Variants in CANX observed in about 807,000 individuals in gnomAD.
CANX encodes the protein epididymis secretory sperm binding protein.
In CANX, 14 loss-of-function variants were observed where a neutral mutation model predicts 75.7. The observed-to-expected ratio is 0.19, with a 90% confidence interval of 0.12 to 0.29. The LOEUF is 0.29. Among genes scored for constraint, CANX ranks in the 10% least tolerant of loss-of-function variants. CANX has a pLI of 1.00. For synonymous variants in CANX, 227 were observed against 236.9 expected (o/e 0.96, Z 0.38); for missense variants, 567 against 713.2 (o/e 0.79, Z 2.34).
rs898647352 is a variant in CANX at position 179,727,701 on chromosome 5, G to A, written c.1726-890G>A. Among the ~76,000 whole-genome samples the A allele has an allele frequency of 2.6e-5, 4 of 152,202 alleles. No homozygotes were observed. The East Asian group carries it at 7.7e-4, about 29-fold the overall frequency. On this transcript the variant is annotated intron_variant, in intron 14 of 14. Transcript: ENST00000247461. ...TCTGCTGTGTTTCCTATATACCAGG[G>A]AGAATCAGGGCGACCAGTTAGGAGG... is the stretch of plus-strand genomic sequence containing the variant.
intron 9 of CANX, among the ~76,000 whole-genome samples, chr5:179,720,106 C>G (rs890115265): frequency 1.3e-5 from 2 of 152,196 alleles, no homozygotes; most frequent in African/African-American, 4.8e-5. Context: ...GCTGGGATTA[C>G]AGGCGTGAGC....
At chr5:179,694,553 A>C (rs993465052), upstream of CANX, 4 of 835,210 alleles carry the variant, frequency 4.8e-6, no homozygotes, top group African/African-American at 6.6e-5. Flanking sequence ...GAGATGTGGC[A>C]AAAAAGCTGG....
rs1414302283 is a variant in CANX, at chr5:179,730,568, T to C, written c.*1924T>C. On this transcript the variant is annotated 3_prime_UTR_variant, in exon 15 of 15. Coordinates refer to ENST00000247461, the MANE Select transcript of CANX (RefSeq NM_001746.4). ...GTATATGTCATGCCTCACTTTCTTC[T>C]AGCTGAGCTTTAAATCATTAGAGCT... 4 of 152,256 alleles carry C rather than the reference T, an allele frequency of 2.6e-5. No homozygotes were observed. The highest frequency in any genetic ancestry group is 9.6e-5 in the African/African-American group (4 of 41,464). The allele number at this position is 152,256 out of a possible 1,614,324, so 9.4% of individuals were successfully genotyped here.
rs1562534286 is a variant in CANX at position 179,731,365 on chromosome 5, ATT to A, written c.*2725_*2726del. On this transcript the variant is annotated 3_prime_UTR_variant, in exon 15 of 15. Coordinates refer to ENST00000247461, the MANE Select transcript of CANX (RefSeq NM_001746.4). The stretch of plus-strand genomic sequence containing the variant: ...AGCCCAGTTTTTTATGTGCTATTAA[ATT>A]TTTAGATTACATACTAAAGAAAAGT... Among the ~76,000 whole-genome samples the A allele has an allele frequency of 6.6e-6, 1 of 152,082 alleles. No individual in the cohort carries two copies. Among genetic ancestry groups the A allele is most frequent in the Non-Finnish European group, 1.5e-5 (1 of 68,002 alleles).
chr5:179,683,506 G>A (rs1776124172), intron 1 of CANX, among the ~76,000 whole-genome samples: 1 of 151,760 alleles, frequency 6.6e-6, no homozygotes, highest in Admixed American at 6.6e-5. Flanking sequence ...CCAAAATCAA[G>A]ATAATGTATC....
In CANX at chr5:179,701,993, G is replaced by A. The variant is rs1054679502; in HGVS notation, c.-4+2891G>A. ...TGAGCTCAGGCAGTCCGCCCACCTC[G>A]GCCTCCCAAAGTGCTGGGATTACAG... On this transcript the variant is annotated intron_variant, in intron 1 of 14. Transcript: ENST00000247461. 5.3e-5 allele frequency among the ~76,000 whole-genome samples: 8 copies of A among 151,322 alleles called. No homozygotes were observed. The East Asian group carries it at 7.8e-4, about 15-fold the overall frequency.
chr5:179,680,198 C>T (rs1776026026), intron 1 of CANX, among the ~76,000 whole-genome samples: 1 of 152,030 alleles, frequency 6.6e-6, no homozygotes, highest in Admixed American at 6.6e-5. Context: ...GGAAGGTGGA[C>T]CAGTGCACTA....
chr5:179,697,748 G>T (rs1451370331), upstream of CANX, among the ~76,000 whole-genome samples: 1 of 152,112 alleles, frequency 6.6e-6, no homozygotes, highest in African/African-American at 2.4e-5. Flanking sequence ...AAAATTAGCC[G>T]GGCGTGGTGG....
intron 1 of CANX, among the ~76,000 whole-genome samples, chr5:179,686,323 C>T (rs1776190736): frequency 6.6e-6 from 1 of 151,792 alleles, no homozygotes; most frequent in Admixed American, 6.6e-5. Flanking sequence ...GTCTTGAACT[C>T]CTGACTTCAA....
In CANX at chr5:179,729,899, A is replaced by AT. The variant is rs1778895684; in HGVS notation, c.*1256dup. 6.6e-6 allele frequency: 1 copy of AT among 152,640 alleles called. No individual in the cohort carries two copies. Among genetic ancestry groups the AT allele is most frequent in the Non-Finnish European group, 1.5e-5 (1 of 68,046 alleles). 9.5% of individuals were successfully genotyped at this position (152,640 alleles called of 1,614,324 possible). A position where few individuals can be genotyped will look rare whatever the true frequency, so the allele number is the denominator to read the frequency against. The stretch of plus-strand genomic sequence containing the variant: ...ATCTGATTTTTTTTGTAGCTGCTAT[A>AT]TATTTTAAGCCTTCATTTGCAATTC... On this transcript the variant is annotated 3_prime_UTR_variant, in exon 15 of 15. Coordinates refer to ENST00000247461, the MANE Select transcript of CANX (RefSeq NM_001746.4).
intron 8 of CANX, among the ~76,000 whole-genome samples, chr5:179,716,609 G>A (rs2113220089): frequency 6.6e-6 from 1 of 152,310 alleles, no homozygotes; most frequent in Non-Finnish European, 1.5e-5. Flanking sequence ...CACATTTAAA[G>A]CCAAAGTTCT....
chr5:179,683,865 C>T (rs542624044), intron 1 of CANX, among the ~76,000 whole-genome samples: 3 of 152,236 alleles, frequency 2.0e-5, no homozygotes, highest in African/African-American at 4.8e-5. Context: ...ATTGGCTTCT[C>T]GCCGCATAAT....
At chr5:179,694,757 G>A, upstream of CANX, 7 of 621,548 alleles carry the variant, frequency 1.1e-5, no homozygotes, top group South Asian at 1.2e-4. Context: ...AGATGAGGAG[G>A]AGGATGAATA....
At chr5:179,709,462 C>T (rs1777378384) in intron 6 of CANX, among the ~76,000 whole-genome samples, 1 of 151,876 alleles carries the variant, frequency 6.6e-6, no homozygotes. Flanking sequence ...ATAAAGGCTT[C>T]CTCCCCTGCT....
intron 1 of CANX, chr5:179,700,088 A>G (rs1402935162): frequency 2.6e-5 from 4 of 152,210 alleles, no homozygotes. Flanking sequence ...CTTTGGACCA[A>G]TACACTGCCA....
chr5:179,715,227 A>G (rs1444361776), intron 7 of CANX, among the ~76,000 whole-genome samples: 1 of 152,140 alleles, frequency 6.6e-6, no homozygotes, highest in Non-Finnish European at 1.5e-5. Context: ...ATCACACTTA[A>G]GATGCTTTTA....
At chr5:179,724,210 C>A (rs1216015110) in intron 12 of CANX, among the ~76,000 whole-genome samples, 1 of 151,454 alleles carries the variant, frequency 6.6e-6, no homozygotes, top group Non-Finnish European at 1.5e-5. Context: ...GTACCACAGC[C>A]TTATTGTTAG....
intron 1 of CANX, among the ~76,000 whole-genome samples, chr5:179,704,837 A>C (rs957572010): frequency 6.6e-6 from 1 of 152,134 alleles, no homozygotes; most frequent in African/African-American, 2.4e-5. Context: ...ATCCATCACA[A>C]AATAAATAAA....
At position 179,722,884 on chromosome 5, in the gene CANX, T is replaced by C. The variant is rs1277864241; in HGVS notation, c.1263T>C (p.Ala421=). 2 of 1,613,860 alleles carry C rather than the reference T, an allele frequency of 1.2e-6. No individual in the cohort carries two copies. Among genetic ancestry groups the C allele is most frequent in the Non-Finnish European group, 8.5e-7 (1 of 1,179,726 alleles). ...CTTTCAGAATGACTCCTTTTAGTGC[T>C]ATTGGTTTGGAGCTGTGGTCCATGA... is the stretch of plus-strand genomic sequence containing the variant. ...LEPFRMTPFS[A]IGLELWSMTS... Residue 421 remains alanine, a synonymous_variant, in exon 11 of 15, where the codon GCT becomes GCC. Transcript: ENST00000247461.
Sources: gnomAD v4.1 joint callset for allele counts (sites outside exome capture counted in the v4.1 genomes callset) on GRCh38, gnomAD v4.1.1 for gene constraint, MANE v1.5 for transcripts, NCBI Gene and HGNC (gene_info 2026-07-23, HGNC 2026-07-21) for gene names.